The following ZCCHC17 variants were observed in gnomAD, a reference collection of about 807,000 sequenced individuals.
ZCCHC17 encodes zinc finger CCHC domain-containing protein 17.
In ZCCHC17, 18 loss-of-function variants were observed where a neutral mutation model predicts 30.6. The observed-to-expected ratio is 0.59, with a 90% confidence interval of 0.41 to 0.87. The LOEUF is 0.87. Among genes scored for constraint, ZCCHC17 ranks in the 40% least tolerant of loss-of-function variants. The pLI is 0.00. For missense variants in ZCCHC17, 263 were observed against 284.2 expected, an observed-to-expected ratio of 0.93 and a Z score of 0.54; for synonymous variants, 88 against 92.4, an observed-to-expected ratio of 0.95 and a Z score of 0.27.
chr1:31,328,960 A>G (rs1638468070), intron 3 of ZCCHC17, among the ~76,000 whole-genome samples: 2 of 152,132 alleles, frequency 1.3e-5, no homozygotes, highest in African/African-American at 4.8e-5. Context: ...TGAGCCGTCC[A>G]GGAGTTTGAG....
intron 7 of ZCCHC17, among the ~76,000 whole-genome samples, chr1:31,351,706 C>T (rs771342323): frequency 1.3e-5 from 2 of 152,080 alleles, no homozygotes; most frequent in Admixed American, 6.6e-5. Flanking sequence ...TATGCCACTG[C>T]GCTCCTGTCC....
chr1:31,355,545 TAA>T (rs1420332742), intron 7 of ZCCHC17, among the ~76,000 whole-genome samples: 2 of 152,156 alleles, frequency 1.3e-5, no homozygotes, highest in Non-Finnish European at 2.9e-5. Flanking sequence ...CACACAAATA[TAA>T]GAGATAATGC....
intron 4 of ZCCHC17, 128 bp downstream of exon 4, chr1:31,337,403 T>C: frequency 1.3e-6 from 1 of 780,332 alleles, no homozygotes; most frequent in Non-Finnish European, 2.1e-6. Flanking sequence ...AATCCTGCCA[T>C]TAGAATCTAT....
rs116805859 is a variant in ZCCHC17, at chr1:31,333,673, A to G, written c.125-3502A>G. The stretch of plus-strand genomic sequence containing the variant: ...CATTTATAGCGTAAAAGAGCAAAAT[A>G]TTTCAAATTAACTTGCTTAAGCTAC... On this transcript the variant is annotated intron_variant, in intron 3 of 7. Coordinates refer to ENST00000344147, the MANE Select transcript of ZCCHC17 (RefSeq NM_016505.4). Among the ~76,000 whole-genome samples, 884 of 152,330 alleles carry G rather than the reference A, an allele frequency of 5.8e-3. 12 individuals are homozygous for G. The highest frequency in any genetic ancestry group is 0.02 in the African/African-American group (834 of 41,558).
chr1:31,314,786 C>A (rs1218312282), intron 2 of ZCCHC17, among the ~76,000 whole-genome samples: 2 of 152,130 alleles, frequency 1.3e-5, no homozygotes, highest in African/African-American at 4.8e-5. Flanking sequence ...CATGCCTCAA[C>A]CTCCTGAATA....
chr1:31,330,651 G>C (rs1638545745), intron 3 of ZCCHC17, among the ~76,000 whole-genome samples: 1 of 152,064 alleles, frequency 6.6e-6, no homozygotes, highest in Non-Finnish European at 1.5e-5. Context: ...GTATGATGTA[G>C]GAGACCTGAT....
rs540274949 is a variant in ZCCHC17, at chr1:31,310,054, T to G, written c.-45T>G. ...ATTTCTTTATGACAGGACACTTGTA[T>G]TAGCTTTAATAGAAGAGAAATGGAG... is the stretch of plus-strand genomic sequence containing the variant. On this transcript the variant is annotated 5_prime_UTR_variant, in exon 2 of 8. Transcript: ENST00000344147. 2.5e-5 allele frequency: 40 copies of G among 1,593,570 alleles called. No homozygotes were observed. In the Admixed American group the frequency reaches 3.1e-4, roughly 12 times the overall value.
chr1:31,362,854 T>TA (rs1246231143), intron 7 of ZCCHC17, among the ~76,000 whole-genome samples: 3 of 152,046 alleles, frequency 2.0e-5, no homozygotes, highest in Admixed American at 6.6e-5. Flanking sequence ...GATACTTGTT[T>TA]AAAAAAAATC....
At chr1:31,363,003 A>G (rs1388337380) in intron 7 of ZCCHC17, among the ~76,000 whole-genome samples, 2 of 152,318 alleles carry the variant, frequency 1.3e-5, no homozygotes, top group East Asian at 3.9e-4. Flanking sequence ...AATATACACA[A>G]GTATGTGTAA....
chr1:31,313,635 C>T (rs1646658393), intron 2 of ZCCHC17, among the ~76,000 whole-genome samples: 1 of 152,150 alleles, frequency 6.6e-6, no homozygotes, highest in African/African-American at 2.4e-5. Flanking sequence ...AAGCCTCTGT[C>T]CTTTTTCTTT....
intron 5 of ZCCHC17, among the ~76,000 whole-genome samples, chr1:31,344,447 A>G (rs1639166017): frequency 6.6e-6 from 1 of 152,230 alleles, no homozygotes; most frequent in African/African-American, 2.4e-5. Flanking sequence ...CACTAGTATT[A>G]GCACTGGCGT....
At chr1:31,307,235 G>A (rs1473473650) in intron 1 of ZCCHC17, among the ~76,000 whole-genome samples, 6 of 151,570 alleles carry the variant, frequency 4.0e-5, no homozygotes, top group Non-Finnish European at 8.8e-5. Flanking sequence ...AGCTTCCCAC[G>A]ATTACAGTCG....
chr1:31,329,975 A>C (rs1638519668), intron 3 of ZCCHC17, among the ~76,000 whole-genome samples: 1 of 152,234 alleles, frequency 6.6e-6, no homozygotes. Context: ...CCCAACAAGA[A>C]TAAAGGGTGT....
Position 31,298,386 on chromosome 1 carries a change from TG to T in ZCCHC17, c.-56+1312del, listed in dbSNP as rs1346923148. Among the ~76,000 whole-genome samples, 751 of 141,368 alleles carry T rather than the reference TG, an allele frequency of 5.3e-3. 14 individuals are homozygous for T. The highest frequency in any genetic ancestry group is 0.018 in the African/African-American group (663 of 37,436). 92.7% of individuals were successfully genotyped at this position (141,368 alleles called of 152,430 possible). A position where few individuals can be genotyped will look rare whatever the true frequency, so the allele number is the denominator to read the frequency against. ...AGATGATTAGAGACCAGTTTTTTTT[TG>T]TTTTTTTTTTTTTTTTGAGACAGGT... On this transcript the variant is annotated intron_variant, in intron 1 of 7. Coordinates refer to ENST00000344147, the MANE Select transcript of ZCCHC17 (RefSeq NM_016505.4).
chr1:31,363,309 G>A (rs995675615), intron 7 of ZCCHC17, among the ~76,000 whole-genome samples: 3 of 150,864 alleles, frequency 2.0e-5, no homozygotes, highest in East Asian at 2.0e-4. Flanking sequence ...TCAGCCTCCC[G>A]AGTAGCTGGG....
intron 1 of ZCCHC17, among the ~76,000 whole-genome samples, chr1:31,304,671 C>T (rs1433303157): frequency 1.3e-5 from 2 of 151,754 alleles, no homozygotes; most frequent in African/African-American, 2.4e-5. Flanking sequence ...TCTTGGTTCA[C>T]TGCAAGCTCC....
At chr1:31,301,576 T>C (rs928347776) in intron 1 of ZCCHC17, among the ~76,000 whole-genome samples, 1 of 152,182 alleles carries the variant, frequency 6.6e-6, no homozygotes, top group Admixed American at 6.5e-5. Flanking sequence ...TTATAAGACT[T>C]TGAAGGGATC....
At chr1:31,314,215 A>G (rs1646676256) in intron 2 of ZCCHC17, among the ~76,000 whole-genome samples, 1 of 152,136 alleles carries the variant, frequency 6.6e-6, no homozygotes, top group Non-Finnish European at 1.5e-5. Flanking sequence ...CAGGTTTTAT[A>G]TATTACTATC....
intron 3 of ZCCHC17, among the ~76,000 whole-genome samples, chr1:31,330,998 C>G (rs1012835377): frequency 1.3e-5 from 2 of 152,086 alleles, no homozygotes; most frequent in African/African-American, 4.8e-5. Flanking sequence ...AGAAATAAAC[C>G]AGGTAATTGC....
Sources: allele counts gnomAD v4.1 joint callset (sites outside exome capture counted in the v4.1 genomes callset), GRCh38; gene constraint gnomAD v4.1.1; transcripts MANE v1.5; gene names NCBI Gene and HGNC (gene_info 2026-07-23, HGNC 2026-07-21).